PARP8: variants seen among roughly 807,000 people sequenced by gnomAD.
PARP8 encodes the protein poly(ADP-ribose) polymerase family member 8, also known as protein mono-ADP-ribosyltransferase PARP8.
In PARP8, 51 loss-of-function variants were observed where a neutral mutation model predicts 124.1. The observed-to-expected ratio is 0.41, with a 90% CI of 0.33 to 0.52. The LOEUF (loss-of-function observed/expected upper bound fraction) is 0.52, where lower values mean the gene tolerates loss of function less well. Ranked by LOEUF, PARP8 falls within the 20% of genes least tolerant of loss-of-function variation. The probability of loss-of-function intolerance (pLI) is 0.21; values close to 1 mark genes in which losing one functional copy is unlikely to be tolerated. For synonymous variants in PARP8, 391 were observed against 361.5 expected, an observed-to-expected ratio of 1.08 and a Z score of -0.93; for missense variants, 860 against 1,018.9, an observed-to-expected ratio of 0.84 and a Z score of 2.12.
intron 10 of PARP8, among the ~76,000 whole-genome samples, chr5:50,792,673 A>AT (rs1267614383): frequency 6.6e-6 from 1 of 152,060 alleles, no homozygotes; most frequent in Non-Finnish European, 1.5e-5. Flanking sequence ...TCCTGCTGAA[A>AT]TTTTGGGTAA....
intron 2 of PARP8, among the ~76,000 whole-genome samples, chr5:50,724,334 T>C (rs1173173232): frequency 6.6e-6 from 1 of 152,176 alleles, no homozygotes; most frequent in African/African-American, 2.4e-5. Flanking sequence ...TTTCAGTAGA[T>C]GCATTTAAAA....
At chr5:50,778,497 G>A in intron 8 of PARP8, 63 bp from the exon 9 acceptor site, 1 of 1,208,238 alleles carries the variant, frequency 8.3e-7, no homozygotes, top group Non-Finnish European at 1.1e-6. Flanking sequence ...AAGTTTGTGT[G>A]TTTTTTTTTT....
intron 14 of PARP8, among the ~76,000 whole-genome samples, chr5:50,797,500 G>A (rs1008961487): frequency 6.6e-6 from 1 of 152,092 alleles, no homozygotes; most frequent in East Asian, 1.9e-4. Flanking sequence ...CTATATCAAC[G>A]TTAAGCATCT....
chr5:50,770,385 C>CT (rs1253558087), intron 7 of PARP8, among the ~76,000 whole-genome samples: 2 of 152,088 alleles, frequency 1.3e-5, no homozygotes, highest in African/African-American at 2.4e-5. Context: ...GTGGCTCTTT[C>CT]TTTTTACATG....
chr5:50,709,447 C>T (rs1256285017), intron 2 of PARP8, among the ~76,000 whole-genome samples: 1 of 151,742 alleles, frequency 6.6e-6, no homozygotes, highest in Non-Finnish European at 1.5e-5. Context: ...TTCTTCTGTT[C>T]CTTTCACTGC....
chr5:50,675,811 A>G (rs1158944047), intron 2 of PARP8, among the ~76,000 whole-genome samples: 4 of 152,218 alleles, frequency 2.6e-5, no homozygotes, highest in Non-Finnish European at 5.9e-5. Flanking sequence ...ATTGTTAAGC[A>G]CAGAGCTGCT....
At chr5:50,796,384 A>G (rs1742558591) in intron 12 of PARP8, among the ~76,000 whole-genome samples, 1 of 152,228 alleles carries the variant, frequency 6.6e-6, no homozygotes, top group South Asian at 2.1e-4. Context: ...ACAATTTCAC[A>G]TGAGCATCCT....
intron 2 of PARP8, among the ~76,000 whole-genome samples, chr5:50,689,068 A>T (rs527859593): frequency 7.9e-6 from 1 of 126,816 alleles, no homozygotes; most frequent in African/African-American, 2.9e-5. Context: ...TATTTAGGGC[A>T]TGCTACAGTG....
At chr5:50,742,936 T>A (rs13159505) in intron 2 of PARP8, among the ~76,000 whole-genome samples, 48,124 of 151,992 alleles carry the variant, frequency 0.32, 8,285 homozygotes, top group African/African-American at 0.45. Flanking sequence ...CATGGGAAGA[T>A]GAAAATGAAG....
At chr5:50,832,950 T>A in intron 23 of PARP8, 96 bp downstream of exon 23, 1 of 1,056,312 alleles carries the variant, frequency 9.5e-7, no homozygotes, top group Non-Finnish European at 1.4e-6. Context: ...GTCTGAAAAA[T>A]TATTTAATGT....
chr5:50,700,229 T>G (rs1420535368), intron 2 of PARP8, among the ~76,000 whole-genome samples: 1 of 152,142 alleles, frequency 6.6e-6, no homozygotes, highest in Admixed American at 6.5e-5. Context: ...AAGGTAGTAT[T>G]TTTTATCTGT....
chr5:50,805,687 C>A (rs1452875928), intron 14 of PARP8, among the ~76,000 whole-genome samples: 1 of 151,948 alleles, frequency 6.6e-6, no homozygotes, highest in Non-Finnish European at 1.5e-5. Context: ...TTTTGTATTT[C>A]AAGATTTATA....
chr5:50,785,778 G>A (rs1741180125), intron 9 of PARP8, among the ~76,000 whole-genome samples: 1 of 152,116 alleles, frequency 6.6e-6, no homozygotes, highest in South Asian at 2.1e-4. Flanking sequence ...GCCAACAGGG[G>A]ATACCATTTG....
intron 17 of PARP8, 49 bp from the exon 18 acceptor site, chr5:50,824,859 A>G: frequency 1.3e-6 from 2 of 1,524,514 alleles, no homozygotes; most frequent in Non-Finnish European, 9.1e-7. Context: ...GTGAAAACGG[A>G]AAAATGAATT....
At chr5:50,777,971 A>G in intron 7 of PARP8, 98 bp from the exon 8 acceptor site, 1 of 847,682 alleles carries the variant, frequency 1.2e-6, no homozygotes, top group Non-Finnish European at 1.9e-6. Context: ...ATCAAGGATG[A>G]GAATTAGTGA....
At chr5:50,719,842 A>G (rs541981311) in intron 2 of PARP8, among the ~76,000 whole-genome samples, 1 of 152,212 alleles carries the variant, frequency 6.6e-6, no homozygotes, top group South Asian at 2.1e-4. Flanking sequence ...ACCCGTTGGT[A>G]ACAAAACACG....
chr5:50,766,463 G>T (rs1222108140), intron 7 of PARP8, among the ~76,000 whole-genome samples: 1 of 152,190 alleles, frequency 6.6e-6, no homozygotes, highest in African/African-American at 2.4e-5. Flanking sequence ...GGGAATTACA[G>T]ATCAGAAAAT....
At chr5:50,698,228 A>C (rs1329689128) in intron 2 of PARP8, among the ~76,000 whole-genome samples, 1 of 152,176 alleles carries the variant, frequency 6.6e-6, no homozygotes, top group Non-Finnish European at 1.5e-5. Flanking sequence ...AGATAAGAAA[A>C]CCTCAGAGAA....
intron 3 of PARP8, among the ~76,000 whole-genome samples, chr5:50,756,944 T>A (rs1274445852): frequency 2.0e-5 from 3 of 152,228 alleles, no homozygotes; most frequent in Admixed American, 6.5e-5. Flanking sequence ...GTTGTCTGGC[T>A]TATTTCACTT....
Sources: gnomAD v4.1 joint callset for allele counts (sites outside exome capture counted in the v4.1 genomes callset) on GRCh38, gnomAD v4.1.1 for gene constraint, MANE v1.5 for transcripts, NCBI Gene and HGNC (gene_info 2026-07-23, HGNC 2026-07-21) for gene names.